Variants in CENPF observed in about 807,000 individuals in gnomAD.
The protein encoded by CENPF is AH antigen.
Under a neutral mutation model 307.3 loss-of-function variants are expected in CENPF, and 214 were observed. That is an observed-to-expected ratio of 0.70 (90% confidence interval 0.62 to 0.78). The LOEUF (loss-of-function observed/expected upper bound fraction) is 0.78, where lower values mean the gene tolerates loss of function less well. Among genes scored for constraint, CENPF ranks in the 30% least tolerant of loss-of-function variants. The pLI, the probability that CENPF is intolerant of heterozygous loss-of-function variation, is 0.00. For missense variants in CENPF, 3,401 were observed against 3,483.9 expected (o/e 0.98, Z 0.60); for synonymous variants, 1,259 against 1,270.6 (o/e 0.99, Z 0.19).
intron 3 of CENPF, among the ~76,000 whole-genome samples, chr1:214,616,996 T>TTCTC (rs1318476544): frequency 1.5e-5 from 2 of 132,640 alleles, no homozygotes; most frequent in Non-Finnish European, 3.3e-5. Flanking sequence ...CTCTCTCTCT[T>TTCTC]TCTCTCTTTC....
At position 214,645,557 on chromosome 1, in the gene CENPF, G is replaced by GTTTGA; in HGVS notation, c.5988_5989insTTGAT (p.Glu1997LeufsTer15). ...ACACAAGAGCTTGAGTCTCATCAAA[G>GTTTGA]TGAGTGTCTCCATTGCATTCAGGTG... is the stretch of plus-strand genomic sequence containing the variant. On this transcript the variant is annotated frameshift_variant, in exon 13 of 20. Coordinates refer to ENST00000366955, the MANE Select transcript of CENPF (RefSeq NM_016343.4). LOFTEE classifies it high-confidence loss of function. 6.2e-7 allele frequency: 1 copy of GTTTGA among 1,614,178 alleles called. No homozygotes were observed. The highest frequency in any genetic ancestry group is 8.5e-7 in the Non-Finnish European group (1 of 1,180,036).
At chr1:214,606,834 C>G (rs979018268) in intron 1 of CENPF, among the ~76,000 whole-genome samples, 1 of 152,222 alleles carries the variant, frequency 6.6e-6, no homozygotes, top group Non-Finnish European at 1.5e-5. Flanking sequence ...CGTGCCCAGT[C>G]CCAACCACGC....
At chr1:214,613,979 T>A in intron 2 of CENPF, 63 bp downstream of exon 2, 3 of 1,387,956 alleles carry the variant, frequency 2.2e-6, no homozygotes, top group Non-Finnish European at 2.9e-6. Flanking sequence ...GTGCTGGTAT[T>A]TAAAACTGTT....
chr1:214,613,479 C>T (rs933746323), intron 1 of CENPF: 8 of 252,894 alleles, frequency 3.2e-5, no homozygotes, highest in South Asian at 1.1e-4. Flanking sequence ...AAGTCAACAC[C>T]GAGAAATAAG....
rs1271613828 is a variant in CENPF at position 214,657,338 on chromosome 1, G to A, written c.8891G>A (p.Gly2964Asp). ...AAAAGCAAGAAAGCAGTCATGAGTG[G>A]TATTCACCCTGCAGAAGACACGGAA... ...SKKSKKAVMS[G>D]IHPAEDTEGT... Residue 2964 changes from glycine to aspartate, a missense_variant, in exon 18 of 20, where the codon GGT (glycine) becomes GAT (aspartate). By Grantham distance (94) the Gly-to-Asp change is moderately conservative. Coordinates refer to ENST00000366955, the MANE Select transcript of CENPF (RefSeq NM_016343.4). 6.2e-7 allele frequency: 1 copy of A among 1,613,574 alleles called. No individual in the cohort carries two copies. Among genetic ancestry groups the A allele is most frequent in the Admixed American group, 1.7e-5 (1 of 60,022 alleles).
intron 7 of CENPF, among the ~76,000 whole-genome samples, chr1:214,623,050 C>G (rs1056550171): frequency 6.6e-6 from 1 of 152,084 alleles, no homozygotes; most frequent in Non-Finnish European, 1.5e-5. Flanking sequence ...GTCTCTACTA[C>G]AGGTACAAAA....
At position 214,647,326 on chromosome 1, in the gene CENPF, C is replaced by G; in HGVS notation, c.7756C>G (p.Leu2586Val). ...CTCTTTGCAGGACACATTAGAAGTG[C>G]TGCAGAGTTCTTACAAGAATCTAGA... ...NASLQDTLEV[L>V]QSSYKNLENE... is the part of the protein sequence containing the mutation. Residue 2586 changes from leucine (L) to valine (V), a missense_variant, in exon 13 of 20, where the codon CTG (leucine) becomes GTG (valine). Physicochemically the swap from Leu to Val is conservative, Grantham distance 32. Transcript: ENST00000366955. 1 of 1,613,780 alleles carries G rather than the reference C, an allele frequency of 6.2e-7. No individual in the cohort carries two copies. Among genetic ancestry groups the G allele is most frequent in the Non-Finnish European group, 8.5e-7 (1 of 1,179,884 alleles).
intron 3 of CENPF, among the ~76,000 whole-genome samples, chr1:214,616,849 CTTTCTTT>C (rs1657357768): frequency 1.5e-4 from 1 of 6,576 alleles, no homozygotes; most frequent in African/African-American, 3.6e-4. Context: ...TTCTTTCTTT[CTTTCTTT>C]CTTTCTTTCT....
At chr1:214,628,075 C>T (rs1277323697) in intron 7 of CENPF, among the ~76,000 whole-genome samples, 1 of 152,134 alleles carries the variant, frequency 6.6e-6, no homozygotes, top group East Asian at 1.9e-4. Context: ...GGAGTGAGTG[C>T]CCAGGGTCAT....
intron 1 of CENPF, among the ~76,000 whole-genome samples, chr1:214,605,212 C>T (rs1381395804): frequency 6.6e-6 from 1 of 152,088 alleles, no homozygotes; most frequent in Non-Finnish European, 1.5e-5. Flanking sequence ...GCCACTTCAC[C>T]CTTTGTACCA....
chr1:214,635,857 C>T (rs947678216), intron 10 of CENPF, among the ~76,000 whole-genome samples: 1 of 152,154 alleles, frequency 6.6e-6, no homozygotes, highest in African/African-American at 2.4e-5. Context: ...ATAAAATTCC[C>T]CATCTTTCCC....
intron 7 of CENPF, among the ~76,000 whole-genome samples, chr1:214,622,735 G>A (rs932122259): frequency 2.2e-5 from 3 of 135,464 alleles, no homozygotes; most frequent in African/African-American, 9.9e-5. Flanking sequence ...AAGTATTTAG[G>A]GGGAAAAAAG....
At chr1:214,655,786 T>G (rs1372228320) in intron 17 of CENPF, among the ~76,000 whole-genome samples, 2 of 152,130 alleles carry the variant, frequency 1.3e-5, no homozygotes, top group Non-Finnish European at 2.9e-5. Context: ...AGACAAGGTT[T>G]TGCCATGTTG....
rs1357492549 is a variant in CENPF, at chr1:214,642,280, G to A, written c.3942G>A (p.Lys1314=). Reference sequence around the variant, plus strand: ...TATGTGAAATACTGCAGGCTGAAAAGTATGAACTCGTAACTGAGCTGAATG... The same window carrying A: ...TATGTGAAATACTGCAGGCTGAAAAATATGAACTCGTAACTGAGCTGAATG... The part of the protein sequence containing the change: ...EKICEILQAE[K]YELVTELNDS... Residue 1314 remains lysine (K), a synonymous_variant, in exon 12 of 20, where the codon AAG becomes AAA. Transcript: ENST00000366955. 1.2e-6 allele frequency: 2 copies of A among 1,613,698 alleles called. No individual in the cohort carries two copies. The highest frequency in any genetic ancestry group is 2.2e-5 in the East Asian group (1 of 44,850).
At chr1:214,615,144 A>G (rs1657301462) in intron 3 of CENPF, 116 bp downstream of exon 3, 11 of 598,730 alleles carry the variant, frequency 1.8e-5, no homozygotes, top group Admixed American at 3.7e-5. Flanking sequence ...TCCTGGTAGA[A>G]TAAGTAATGA....
At chr1:214,615,943 G>A (rs948046574) in intron 3 of CENPF, among the ~76,000 whole-genome samples, 3 of 151,918 alleles carry the variant, frequency 2.0e-5, no homozygotes, top group Admixed American at 6.6e-5. Context: ...TTCTTATCTA[G>A]TAGACTACAA....
Position 214,632,555 on chromosome 1 carries a change from T to C in CENPF, c.1399T>C (p.Phe467Leu), listed in dbSNP as rs1369232988. ...AAAGTTGTGCAGAGCTGAACAGGCG[T>C]TCCAGGCGAGTCAGATCAAGGAGAA... ...KQKLCRAEQA[F>L]QASQIKENEL... Residue 467 changes from phenylalanine (F) to leucine (L), a missense_variant, in exon 10 of 20, where the codon TTC (phenylalanine) becomes CTC (leucine). Transcript: ENST00000366955. 6.2e-7 allele frequency: 1 copy of C among 1,614,124 alleles called. No homozygotes were observed. Among genetic ancestry groups the C allele is most frequent in the South Asian group, 1.1e-5 (1 of 91,084 alleles).
rs920373660 is a variant in CENPF at position 214,658,450 on chromosome 1, T to C, written c.8963-400T>C. On this transcript the variant is annotated intron_variant, in intron 18 of 19. Transcript: ENST00000366955. ...ACATTTCCCCCCTTTCCCTTTCTTT[T>C]TTTTTTTATCTTTTATTTTTCCATT... is the stretch of plus-strand genomic sequence containing the variant. Among the ~76,000 whole-genome samples the C allele has an allele frequency of 2.0e-5, 3 of 152,240 alleles. No homozygotes were observed. In the East Asian group the frequency reaches 5.8e-4, roughly 29 times the overall value.
intron 10 of CENPF, among the ~76,000 whole-genome samples, chr1:214,633,580 G>A (rs1024194008): frequency 1.3e-5 from 2 of 152,216 alleles, no homozygotes; most frequent in Non-Finnish European, 2.9e-5. Flanking sequence ...ATTTGTTCAG[G>A]TGAGGAAAGT....
Sources: gnomAD v4.1 joint callset for allele counts (sites outside exome capture counted in the v4.1 genomes callset) on GRCh38, gnomAD v4.1.1 for gene constraint, MANE v1.5 for transcripts, NCBI Gene and HGNC (gene_info 2026-07-23, HGNC 2026-07-21) for gene names.